Variants in SLC14A2 observed in about 807,000 individuals in gnomAD.
The protein encoded by SLC14A2 is urea transporter 2.
A neutral mutation model predicts 104.6 loss-of-function variants in SLC14A2; 91 were observed. That is an observed-to-expected ratio of 0.87 (90% CI 0.73 to 1.04). The LOEUF is 1.04. SLC14A2 is among the 50% of genes least tolerant of loss of function. SLC14A2 has a pLI of 0.00. For synonymous variants in SLC14A2, 476 were observed against 466.4 expected, an observed-to-expected ratio of 1.02 and a Z score of -0.27; for missense variants, 1,189 against 1,156.0, an observed-to-expected ratio of 1.03 and a Z score of -0.41.
intron 2 of SLC14A2, among the ~76,000 whole-genome samples, chr18:45,605,879 G>A (rs941841833): frequency 2.0e-5 from 3 of 152,202 alleles, no homozygotes; most frequent in African/African-American, 7.2e-5. Flanking sequence ...GGCTACAGGA[G>A]AGGAAATGCA....
At chr18:45,399,792 A>C (rs2086075763) in intron 1 of SLC14A2, among the ~76,000 whole-genome samples, 1 of 152,148 alleles carries the variant, frequency 6.6e-6, no homozygotes, top group African/African-American at 2.4e-5. Flanking sequence ...AAGGGTTCTG[A>C]TCATGCTACT....
chr18:45,551,992 A>C (rs2044063175), intron 2 of SLC14A2, among the ~76,000 whole-genome samples: 1 of 152,176 alleles, frequency 6.6e-6, no homozygotes, highest in African/African-American at 2.4e-5. Flanking sequence ...TCATAATAGA[A>C]TCACTTAGAT....
the SLC14A2 span, among the ~76,000 whole-genome samples, chr18:45,186,280 A>G: frequency 6.6e-6 from 1 of 152,256 alleles, no homozygotes; most frequent in Non-Finnish European, 1.5e-5. Context: ...CATCAGGTCA[A>G]TAAGACAGGA....
At chr18:45,454,261 G>A (rs1409875967) in intron 1 of SLC14A2, among the ~76,000 whole-genome samples, 5 of 152,136 alleles carry the variant, frequency 3.3e-5, no homozygotes, top group Admixed American at 3.3e-4. Flanking sequence ...TTTAACATGA[G>A]GATCTGAATG....
intron 2 of SLC14A2, among the ~76,000 whole-genome samples, chr18:45,525,383 T>A (rs2043580492): frequency 6.6e-6 from 1 of 152,218 alleles, no homozygotes; most frequent in Non-Finnish European, 1.5e-5. Flanking sequence ...TTGAAGTGAA[T>A]GACTGTAGTG....
chr18:45,634,191 G>T (rs868747179), intron 5 of SLC14A2, among the ~76,000 whole-genome samples: 1 of 152,104 alleles, frequency 6.6e-6, no homozygotes, highest in African/African-American at 2.4e-5. Context: ...CAAGTCATAG[G>T]GTAGGTATTT....
chr18:45,617,154 C>A (rs2045086387), intron 1 of SLC14A2, among the ~76,000 whole-genome samples: 1 of 152,144 alleles, frequency 6.6e-6, no homozygotes, highest in African/African-American at 2.4e-5. Context: ...GAGATTCTTC[C>A]AAACACAAGC....
intron 1 of SLC14A2, among the ~76,000 whole-genome samples, chr18:45,250,160 C>A (rs1344784388): frequency 6.6e-6 from 1 of 152,122 alleles, no homozygotes; most frequent in Non-Finnish European, 1.5e-5. Flanking sequence ...AATATGGTCA[C>A]TTTAAAGAAA....
chr18:45,334,360 G>A (rs2085317898), intron 1 of SLC14A2, among the ~76,000 whole-genome samples: 1 of 152,172 alleles, frequency 6.6e-6, no homozygotes, highest in Non-Finnish European at 1.5e-5. Context: ...GGATGTGCAT[G>A]CAGTAGCCAC....
chr18:45,549,686 G>A (rs556636988), intron 2 of SLC14A2, among the ~76,000 whole-genome samples: 1 of 152,236 alleles, frequency 6.6e-6, no homozygotes. Context: ...AAGTTTTGCA[G>A]CCTGGCAAGG....
At chr18:45,514,390 G>A (rs547550355) in intron 2 of SLC14A2, among the ~76,000 whole-genome samples, 1 of 152,264 alleles carries the variant, frequency 6.6e-6, no homozygotes, top group South Asian at 2.1e-4. Flanking sequence ...CAGGAAAGGT[G>A]CTAAACTATT....
Position 45,682,300 on chromosome 18 carries a change from C to T in SLC14A2, c.2563-19C>T. 2 of 1,612,278 alleles carry T rather than the reference C, an allele frequency of 1.2e-6. No homozygotes were observed. Among genetic ancestry groups the T allele is most frequent in the Non-Finnish European group, 1.7e-6 (2 of 1,178,304 alleles). On this transcript the variant is annotated intron_variant, in intron 19 of 19. Transcript: ENST00000255226. ...GGCACCTGATGTGACCAAGGCTTAT[C>T]TGTGTTCTTTCTCTCCAGTTTGGAT...
chr18:45,655,030 C>T (rs1440477964), intron 10 of SLC14A2, among the ~76,000 whole-genome samples: 1 of 152,170 alleles, frequency 6.6e-6, no homozygotes. Flanking sequence ...CTCCAGGCTC[C>T]TTGGCCTCTC....
chr18:45,682,006 T>C (rs2046315864), intron 19 of SLC14A2, among the ~76,000 whole-genome samples: 2 of 152,224 alleles, frequency 1.3e-5, no homozygotes, highest in Admixed American at 1.3e-4. Context: ...AAGTCTAACC[T>C]GGCCAGAAAC....
chr18:45,287,244 G>T (rs2084823685), intron 1 of SLC14A2, among the ~76,000 whole-genome samples: 1 of 152,226 alleles, frequency 6.6e-6, no homozygotes, highest in African/African-American at 2.4e-5. Flanking sequence ...CTTGTGGGAG[G>T]AGGGATTACC....
chr18:45,663,626 A>T (rs1034312959), intron 10 of SLC14A2, among the ~76,000 whole-genome samples, 159 bp from the exon 11 acceptor site: 1 of 152,184 alleles, frequency 6.6e-6, no homozygotes, highest in Non-Finnish European at 1.5e-5. Context: ...TAGAGAAGCT[A>T]AGTGTTTTAT....
intron 1 of SLC14A2, among the ~76,000 whole-genome samples, chr18:45,460,736 T>G (rs1347400954): frequency 6.6e-6 from 1 of 151,946 alleles, no homozygotes; most frequent in Non-Finnish European, 1.5e-5. Context: ...TCCCCTGCAG[T>G]TTTAATGCGA....
intron 2 of SLC14A2, among the ~76,000 whole-genome samples, chr18:45,538,882 T>TTTCC (rs1327444236): frequency 2.7e-5 from 4 of 148,904 alleles, no homozygotes; most frequent in Non-Finnish European, 5.9e-5. Context: ...GCTTGCTTTC[T>TTTCC]TTCCTTCCTT....
chr18:45,501,267 T>C (rs1343933983), intron 2 of SLC14A2, among the ~76,000 whole-genome samples: 2 of 152,154 alleles, frequency 1.3e-5, no homozygotes, highest in African/African-American at 4.8e-5. Context: ...AGAGAGTGAC[T>C]CTCTGCTTAT....
Sources: allele counts gnomAD v4.1 joint callset (sites outside exome capture counted in the v4.1 genomes callset), GRCh38; gene constraint gnomAD v4.1.1; transcripts MANE v1.5; gene names NCBI Gene and HGNC (gene_info 2026-07-23, HGNC 2026-07-21).